The following CNTNAP2 variants were observed in gnomAD, a reference collection of about 807,000 sequenced individuals.
CNTNAP2 encodes the protein contactin-associated protein-like 2.
In CNTNAP2, 98 loss-of-function variants were observed where a neutral mutation model predicts 155.2. The ratio of observed to expected loss-of-function variants is 0.63; its 90% CI spans 0.54 to 0.75. The LOEUF is 0.75. CNTNAP2 is among the 30% of genes least tolerant of loss of function. The pLI is 0.00. For synonymous variants in CNTNAP2, 651 were observed against 631.2 expected, an observed-to-expected ratio of 1.03 and a Z score of -0.47; for missense variants, 1,727 against 1,688.1, an observed-to-expected ratio of 1.02 and a Z score of -0.40.
chr7:147,865,286 C>T (rs1200211549), intron 13 of CNTNAP2, among the ~76,000 whole-genome samples: 1 of 152,134 alleles, frequency 6.6e-6, no homozygotes, highest in Non-Finnish European at 1.5e-5. Context: ...CTGACTTGAT[C>T]ATGGTGGATA....
intron 2 of CNTNAP2, among the ~76,000 whole-genome samples, chr7:146,820,088 A>C (rs75321587): frequency 3.3e-5 from 5 of 152,216 alleles, no homozygotes; most frequent in Non-Finnish European, 7.3e-5. Flanking sequence ...AGCAGTGCTC[A>C]TTGAGGTATG....
chr7:146,986,963 G>T (rs1798124268), intron 3 of CNTNAP2, among the ~76,000 whole-genome samples: 1 of 151,714 alleles, frequency 6.6e-6, no homozygotes, highest in African/African-American at 2.4e-5. Context: ...AGCAATTATT[G>T]TATATAAATA....
At chr7:147,658,421 T>C (rs1323747824) in intron 13 of CNTNAP2, among the ~76,000 whole-genome samples, 1 of 152,138 alleles carries the variant, frequency 6.6e-6, no homozygotes, top group Non-Finnish European at 1.5e-5. Context: ...GCCATTAAAT[T>C]AACTTAAAAC....
At chr7:147,315,111 C>CAAAA (rs61529667) in intron 9 of CNTNAP2, among the ~76,000 whole-genome samples, 1 of 107,190 alleles carries the variant, frequency 9.3e-6, no homozygotes. Context: ...GGGTACTTTA[C>CAAAA]AAAAAAAAAA....
intron 1 of CNTNAP2, among the ~76,000 whole-genome samples, chr7:146,636,471 T>C (rs1799601945): frequency 6.6e-6 from 1 of 152,208 alleles, no homozygotes; most frequent in Non-Finnish European, 1.5e-5. Flanking sequence ...CTATGATTTT[T>C]TCAATATCTT....
Position 147,345,491 on chromosome 7 carries a change from C to T in CNTNAP2, c.1498+45201C>T, listed in dbSNP as rs115649638. ...GTCTTCGCATTTGTAGACATTTTCC[C>T]TTACTTTTTTGTTGAACTTGTGAAG... On this transcript the variant is annotated intron_variant, in intron 9 of 23. Transcript: ENST00000361727. Among the ~76,000 whole-genome samples the T allele has an allele frequency of 6.0e-3, 914 of 152,214 alleles. 6 individuals are homozygous for T. The highest frequency in any genetic ancestry group is 0.021 in the African/African-American group (872 of 41,538).
At chr7:148,233,847 C>A (rs1796003828) in intron 20 of CNTNAP2, among the ~76,000 whole-genome samples, 2 of 152,160 alleles carry the variant, frequency 1.3e-5, no homozygotes, top group East Asian at 3.9e-4. Flanking sequence ...GTGATTGGAC[C>A]ATGGGGGTGG....
chr7:148,291,405 C>T (rs893407085), intron 21 of CNTNAP2, among the ~76,000 whole-genome samples: 1 of 151,824 alleles, frequency 6.6e-6, no homozygotes, highest in African/African-American at 2.4e-5. Context: ...AGAGACAGTC[C>T]GAGTTCCAAA....
chr7:147,811,746 C>T (rs1798182834), intron 13 of CNTNAP2, among the ~76,000 whole-genome samples: 1 of 152,044 alleles, frequency 6.6e-6, no homozygotes. Context: ...ATTCTTGACC[C>T]AAATAATTCA....
At chr7:147,568,335 T>G (rs949596544) in intron 12 of CNTNAP2, among the ~76,000 whole-genome samples, 3 of 152,348 alleles carry the variant, frequency 2.0e-5, no homozygotes, top group Non-Finnish European at 4.4e-5. Flanking sequence ...TGACTCTTCA[T>G]TTTTTATCGT....
chr7:147,713,186 T>C (rs1310038101), intron 13 of CNTNAP2, among the ~76,000 whole-genome samples: 1 of 152,126 alleles, frequency 6.6e-6, no homozygotes, highest in Non-Finnish European at 1.5e-5. Context: ...GAAGTGAAAT[T>C]TGCATGTAAT....
At chr7:146,850,060 T>C (rs1794845518) in intron 3 of CNTNAP2, among the ~76,000 whole-genome samples, 1 of 152,174 alleles carries the variant, frequency 6.6e-6, no homozygotes, top group Non-Finnish European at 1.5e-5. Flanking sequence ...TGTTAAAATG[T>C]CTTGGCAAAT....
intron 12 of CNTNAP2, chr7:147,638,788 A>C (rs1388754683): frequency 2.1e-6 from 1 of 466,164 alleles, no homozygotes; most frequent in Admixed American, 3.4e-5. Context: ...TTGGGACATA[A>C]TGAGCCTGAT....
intron 13 of CNTNAP2, among the ~76,000 whole-genome samples, chr7:147,738,644 A>C (rs1236289806): frequency 2.2e-5 from 3 of 137,920 alleles, no homozygotes; most frequent in Non-Finnish European, 3.0e-5. Context: ...TATAATGTAA[A>C]CATAACTTTT....
At chr7:146,205,306 C>A (rs1036909545) in intron 1 of CNTNAP2, among the ~76,000 whole-genome samples, 2 of 151,912 alleles carry the variant, frequency 1.3e-5, no homozygotes, top group African/African-American at 4.8e-5. Flanking sequence ...TCTCTGTAGA[C>A]TGCACAATTT....
chr7:146,393,967 A>G (rs1795583179), intron 1 of CNTNAP2, among the ~76,000 whole-genome samples: 2 of 152,134 alleles, frequency 1.3e-5, no homozygotes, highest in Admixed American at 1.3e-4. Context: ...TATATTGTTA[A>G]CAGGTATTCT....
chr7:146,810,744 A>G (rs569570536), intron 2 of CNTNAP2, among the ~76,000 whole-genome samples: 2 of 152,258 alleles, frequency 1.3e-5, no homozygotes, highest in South Asian at 4.1e-4. Flanking sequence ...TAAGCTGTTC[A>G]CCATTAAGAG....
chr7:146,494,920 C>T (rs1433483493), intron 1 of CNTNAP2, among the ~76,000 whole-genome samples: 2 of 152,184 alleles, frequency 1.3e-5, no homozygotes, highest in African/African-American at 4.8e-5. Context: ...TCTATGTTTC[C>T]ATGGGCATTT....
chr7:146,912,542 C>T (rs937701823), intron 3 of CNTNAP2, among the ~76,000 whole-genome samples: 2 of 152,080 alleles, frequency 1.3e-5, no homozygotes, highest in Admixed American at 6.6e-5. Flanking sequence ...TACTATACAT[C>T]AATTTATATT....
Sources: gnomAD v4.1 joint callset for allele counts (sites outside exome capture counted in the v4.1 genomes callset) on GRCh38, gnomAD v4.1.1 for gene constraint, MANE v1.5 for transcripts, NCBI Gene and HGNC (gene_info 2026-07-23, HGNC 2026-07-21) for gene names.